GPSM2: variants seen among roughly 807,000 people sequenced by gnomAD.
The protein encoded by GPSM2 is G protein-signaling modulator 2.
Under a neutral mutation model 78.4 loss-of-function variants are expected in GPSM2, and 58 were observed. The ratio of observed to expected loss-of-function variants is 0.74; its 90% CI spans 0.60 to 0.92. The LOEUF (loss-of-function observed/expected upper bound fraction) is 0.92. Among genes scored for constraint, GPSM2 ranks in the 40% least tolerant of loss-of-function variants. The probability of loss-of-function intolerance (pLI) is 0.00; values close to 1 mark genes in which losing one functional copy is unlikely to be tolerated. For missense variants in GPSM2, 700 were observed against 815.5 expected, an observed-to-expected ratio of 0.86 and a Z score of 1.73; for synonymous variants, 224 against 280.2, an observed-to-expected ratio of 0.80 and a Z score of 2.00.
chr1:108,880,037 CCATCCTTCA>C (rs1203655156), intron 1 of GPSM2, among the ~76,000 whole-genome samples: 1 of 151,966 alleles, frequency 6.6e-6, no homozygotes, highest in Non-Finnish European at 1.5e-5. Flanking sequence ...TAAGATCTAC[CCATCCTTCA>C]AGGTGCTGTA....
At chr1:108,928,468 CACTT>C (rs896357419) in intron 14 of GPSM2, among the ~76,000 whole-genome samples, 4 of 152,204 alleles carry the variant, frequency 2.6e-5, no homozygotes, top group Non-Finnish European at 5.9e-5. Context: ...AGGTGGCACT[CACTT>C]AGGAGGGCAG....
chr1:108,931,944 C>T lies in GPSM2; in HGVS notation c.*2004C>T, dbSNP rs926457025. 2 of 155,128 alleles carry T rather than the reference C, an allele frequency of 1.3e-5. No individual in the cohort carries two copies. The highest frequency in any genetic ancestry group is 2.4e-5 in the African/African-American group (1 of 41,448). 9.6% of individuals were successfully genotyped at this position (155,128 alleles called of 1,614,324 possible). ...TATTCCATTTAAACATTGTTTTTAA[C>T]AGCTGTCTACCCTGTTCTGATTTTC... On this transcript the variant is annotated 3_prime_UTR_variant, in exon 15 of 15. Coordinates refer to ENST00000264126, the MANE Select transcript of GPSM2 (RefSeq NM_013296.5).
At chr1:108,891,752 C>A (rs1011936184) in intron 2 of GPSM2, among the ~76,000 whole-genome samples, 13 of 151,504 alleles carry the variant, frequency 8.6e-5, no homozygotes, top group African/African-American at 3.2e-4. Flanking sequence ...CGATCCACCC[C>A]CCCTTAGCCT....
Position 108,901,865 on chromosome 1 carries a change from A to G in GPSM2, c.873A>G (p.Thr291=), listed in dbSNP as rs1208317057. The change falls in exon 8 of 15, where the codon ACA becomes ACG. Residue 291 remains threonine, a synonymous_variant. Transcript: ENST00000264126. ...EAQSCYSLGN[T]YTLLQDYEKA... ...AGTCTTGTTACAGTCTTGGAAATAC[A>G]TATACTTTACTTCAAGACTATGAAA... 8.1e-6 allele frequency: 13 copies of G among 1,610,590 alleles called. No homozygotes were observed. Among genetic ancestry groups the G allele is most frequent in the Admixed American group, 1.7e-5 (1 of 60,010 alleles).
chr1:108,880,065 C>G (rs1004761373), intron 1 of GPSM2, among the ~76,000 whole-genome samples: 4 of 152,138 alleles, frequency 2.6e-5, no homozygotes, highest in African/African-American at 9.7e-5. Flanking sequence ...TACAAAATTC[C>G]TTGCTTCCAA....
rs1648406484 is a variant in GPSM2 at position 108,896,884 on chromosome 1, A to T, written c.77A>T (p.Glu26Val). The T allele has an allele frequency of 1.2e-6, 2 of 1,613,748 alleles. No individual in the cohort carries two copies. The highest frequency in any genetic ancestry group is 4.5e-5 in the East Asian group (2 of 44,874). Residue 26 changes from glutamate to valine, a missense_variant, in exon 3 of 15, where the codon GAG (glutamate) becomes GTG (valine). Glu to Val is a moderately radical substitution (Grantham distance 121, BLOSUM62 -2). Transcript: ENST00000264126. ...TGTAGAATGGAAGCTTCTTGCCTAG[A>T]GCTGGCCTTGGAAGGGGAACGTCTA... ...VRYRMEASCL[E>V]LALEGERLCK...
intron 11 of GPSM2, among the ~76,000 whole-genome samples, chr1:108,918,182 T>C (rs1650423944): frequency 6.6e-6 from 1 of 152,156 alleles, no homozygotes; most frequent in South Asian, 2.1e-4. Flanking sequence ...GTAAAAACAG[T>C]ACCGTTTTAT....
In GPSM2 at chr1:108,930,143, G is replaced by A; in HGVS notation, c.*203G>A. On this transcript the variant is annotated 3_prime_UTR_variant, in exon 15 of 15. Transcript: ENST00000264126. Reference sequence around the variant, plus strand: ...TGAGGGTGGAGGGGTCCTGTAAGGTGCTTCATCGTCTGTGATTACTGCTTG... The same window carrying A: ...TGAGGGTGGAGGGGTCCTGTAAGGTACTTCATCGTCTGTGATTACTGCTTG... The A allele has an allele frequency of 8.9e-6, 5 of 564,934 alleles. No individual in the cohort carries two copies. Among genetic ancestry groups the A allele is most frequent in the South Asian group, 4.8e-5 (2 of 41,916 alleles). 35.0% of individuals were successfully genotyped at this position (564,934 alleles called of 1,614,324 possible).
chr1:108,890,458 TG>T (rs1229624900), intron 2 of GPSM2, among the ~76,000 whole-genome samples: 1 of 152,240 alleles, frequency 6.6e-6, no homozygotes, highest in Non-Finnish European at 1.5e-5. Flanking sequence ...AGATCAAACA[TG>T]GTTGCACTTT....
intron 10 of GPSM2, 85 bp from the exon 11 acceptor site, chr1:108,914,253 T>C (rs572609560): frequency 1.1e-6 from 1 of 889,116 alleles, no homozygotes; most frequent in African/African-American, 1.7e-5. Flanking sequence ...GTGTATCAGA[T>C]TTTAGAACTG....
chr1:108,889,705 CCA>C (rs1647835847), intron 2 of GPSM2, among the ~76,000 whole-genome samples: 2 of 152,176 alleles, frequency 1.3e-5, no homozygotes, highest in Non-Finnish European at 2.9e-5. Context: ...GATCTTCTTT[CCA>C]GACTGCCTCC....
chr1:108,924,757 G>T lies in GPSM2; in HGVS notation c.1815+543G>T, dbSNP rs1650999508. ...GGCAGATGTGACTGGCATGGGATGA[G>T]TAGGGGAAGGGAAGAGTTGTACAAA... is the stretch of plus-strand genomic sequence containing the variant. On this transcript the variant is annotated intron_variant, in intron 14 of 14. Transcript: ENST00000264126. 2.0e-5 allele frequency among the ~76,000 whole-genome samples: 3 copies of T among 152,104 alleles called. No individual in the cohort carries two copies. The South Asian group carries it at 6.2e-4, about 31-fold the overall frequency.
Position 108,931,324 on chromosome 1 carries a change from AG to A in GPSM2, c.*1385del, listed in dbSNP as rs1192608231. 1.2e-5 allele frequency: 18 copies of A among 1,547,946 alleles called. No homozygotes were observed. The highest frequency in any genetic ancestry group is 1.6e-5 in the Non-Finnish European group (18 of 1,145,418). ...CTTCCTTATCCCAGATATTGAAGGC[AG>A]TTTACAAGGGGATGATAACAAAGTA... On this transcript the variant is annotated 3_prime_UTR_variant, in exon 15 of 15. Coordinates refer to ENST00000264126, the MANE Select transcript of GPSM2 (RefSeq NM_013296.5).
chr1:108,910,303 A>G (rs1488788514), intron 10 of GPSM2, among the ~76,000 whole-genome samples: 1 of 152,196 alleles, frequency 6.6e-6, no homozygotes, highest in African/African-American at 2.4e-5. Flanking sequence ...AAATCTTCCC[A>G]CTAGGAAAAT....
Position 108,933,082 on chromosome 1 carries a change from C to G in GPSM2, c.*3142C>G, listed in dbSNP as rs1356295173. On this transcript the variant is annotated 3_prime_UTR_variant, in exon 15 of 15. Transcript: ENST00000264126. ...TAGTACATAGCCTTGAACAACTGAGCTTAAGCGATCATCCTCCCTCAACCT... is the reference window on the plus strand; with the variant it reads ...TAGTACATAGCCTTGAACAACTGAGGTTAAGCGATCATCCTCCCTCAACCT... The G allele has an allele frequency of 1.3e-5, 2 of 152,204 alleles. No individual in the cohort carries two copies. Among genetic ancestry groups the G allele is most frequent in the African/African-American group, 4.8e-5 (2 of 41,430 alleles). 9.4% of individuals were successfully genotyped at this position (152,204 alleles called of 1,614,324 possible).
At chr1:108,897,693 A>G in intron 4 of GPSM2, 66 bp downstream of exon 4, 7 of 1,337,634 alleles carry the variant, frequency 5.2e-6, no homozygotes, top group Non-Finnish European at 7.4e-6. Flanking sequence ...TTTTAATACT[A>G]TTTAATTATT....
chr1:108,909,160 G>A (rs2101472435), intron 10 of GPSM2, among the ~76,000 whole-genome samples: 1 of 152,180 alleles, frequency 6.6e-6, no homozygotes, highest in Non-Finnish European at 1.5e-5. Context: ...GTGTATGTAT[G>A]TATATAAAAC....
At chr1:108,903,819 C>T (rs897266754) in intron 9 of GPSM2, among the ~76,000 whole-genome samples, 2 of 152,038 alleles carry the variant, frequency 1.3e-5, no homozygotes, top group African/African-American at 4.8e-5. Context: ...CCAGGATAAT[C>T]TACATTATTA....
rs997846178 is a variant in GPSM2 at position 108,930,225 on chromosome 1, A to T, written c.*285A>T. 1 of 328,774 alleles carries T rather than the reference A, an allele frequency of 3.0e-6. No individual in the cohort carries two copies. Among genetic ancestry groups the T allele is most frequent in the South Asian group, 6.9e-5 (1 of 14,588 alleles). 20.4% of individuals were successfully genotyped at this position (328,774 alleles called of 1,614,324 possible). A position where few individuals can be genotyped will look rare whatever the true frequency, so the allele number is the denominator to read the frequency against. On this transcript the variant is annotated 3_prime_UTR_variant, in exon 15 of 15. Transcript: ENST00000264126. The stretch of plus-strand genomic sequence containing the variant: ...TTTACCTAGTGTTTATAAAGTAGGA[A>T]GTTAAGTGAATCATAGATTAGAATT...
Sources: gnomAD v4.1 joint callset for allele counts (sites outside exome capture counted in the v4.1 genomes callset) on GRCh38, gnomAD v4.1.1 for gene constraint, MANE v1.5 for transcripts, NCBI Gene and HGNC (gene_info 2026-07-23, HGNC 2026-07-21) for gene names.